CDH26: variants seen among roughly 807,000 people sequenced by gnomAD.
CDH26 encodes the protein cadherin-like protein 26.
In CDH26, 83 loss-of-function variants were observed where a neutral mutation model predicts 90.3. That is an observed-to-expected ratio of 0.92 (90% CI 0.77 to 1.10). CDH26 has a LOEUF of 1.10. Among genes scored for constraint, CDH26 ranks in the 50% least tolerant of loss-of-function variants. CDH26 has a pLI of 0.00. For synonymous variants in CDH26, 397 were observed against 396.3 expected (o/e 1.00, Z -0.02); for missense variants, 1,013 against 1,037.6 (o/e 0.98, Z 0.33).
chr20:59,986,256 A>T (rs1017961564), intron 7 of CDH26: 1 of 152,170 alleles, frequency 6.6e-6, no homozygotes, highest in Admixed American at 6.5e-5. Context: ...ATTTAAAAAC[A>T]TTGTATGTCA....
rs748140357 is a variant in CDH26, at chr20:59,996,020, G to A, written c.1854G>A (p.Leu618=). ...AAGTGGGGCTTCATGTGGGGGCCCT[G>A]TTCCCTGTCTGTGCAGCATTTGTGG... The part of the protein sequence containing the change: ...DAEVGLHVGA[L]FPVCAAFVAL... The change falls in exon 12 of 18, where the codon CTG becomes CTA. Residue 618 remains leucine, a synonymous_variant. Transcript: ENST00000348616. The A allele has an allele frequency of 2.3e-5, 37 of 1,613,874 alleles. 1 individual carries two copies. Among genetic ancestry groups the A allele is most frequent in the Non-Finnish European group, 3.0e-5 (35 of 1,180,036 alleles).
Position 60,014,049 on chromosome 20 carries a change from A to G in CDH26, c.*1319A>G, listed in dbSNP as rs539150758. On this transcript the variant is annotated 3_prime_UTR_variant, in exon 18 of 18. Coordinates refer to ENST00000348616, the MANE Select transcript of CDH26 (RefSeq NM_177980.4). ...TAAGAAAAATACATGTTTTTGGACA[A>G]CAAAACAAAGTAAACATTAGTTTAT... 4.6e-5 allele frequency: 7 copies of G among 152,340 alleles called. No individual in the cohort carries two copies. The highest frequency in any genetic ancestry group is 3.9e-4 in the East Asian group (2 of 5,192). 9.4% of individuals were successfully genotyped at this position (152,340 alleles called of 1,614,324 possible).
chr20:59,999,488 A>C, intron 13 of CDH26, 98 bp from the exon 14 acceptor site: 1 of 991,388 alleles, frequency 1.0e-6, no homozygotes. Flanking sequence ...GCATAGATAC[A>C]ATGTGTTTTG....
At position 59,994,361 on chromosome 20, in the gene CDH26, C is replaced by G. The variant is rs1569045746; in HGVS notation, c.1538C>G (p.Ala513Gly). The G allele has an allele frequency of 6.2e-7, 1 of 1,614,086 alleles. No homozygotes were observed. Among genetic ancestry groups the G allele is most frequent in the Non-Finnish European group, 8.5e-7 (1 of 1,180,022 alleles). The part of the protein sequence containing the change: ...RSRYMEVCES[A>G]VHEPLHIEAE... ...CGCTACATGGAGGTCTGTGAGTCTG[C>G]TGTGCATGAGCCCCTCCACATCGAG... is the stretch of plus-strand genomic sequence containing the variant. The change falls in exon 11 of 18, where the codon GCT becomes GGT. Residue 513 changes from alanine to glycine, a missense_variant. Ala to Gly is a moderately conservative substitution (Grantham distance 60, BLOSUM62 0). Coordinates refer to ENST00000348616, the MANE Select transcript of CDH26 (RefSeq NM_177980.4).
chr20:59,983,206 T>C (rs553814712), intron 5 of CDH26, 136 bp downstream of exon 5: 4 of 1,036,526 alleles, frequency 3.9e-6, no homozygotes, highest in South Asian at 3.7e-5. Flanking sequence ...TCGCAGGCCT[T>C]GGATCTGAGC....
intron 13 of CDH26, among the ~76,000 whole-genome samples, chr20:59,998,827 A>C (rs567129066): frequency 1.6e-4 from 25 of 152,336 alleles, no homozygotes; most frequent in African/African-American, 5.5e-4. Flanking sequence ...ACTAAGAGTC[A>C]TGCAATAAAG....
At chr20:59,960,494 T>G (rs773198483) in intron 1 of CDH26, among the ~76,000 whole-genome samples, 19 of 152,024 alleles carry the variant, frequency 1.2e-4, no homozygotes, top group Non-Finnish European at 2.5e-4. Flanking sequence ...GCTTGATAAC[T>G]AAAACTATCA....
Position 59,972,143 on chromosome 20 carries a change from T to G in CDH26, c.393+20T>G. ...TTCACGGTATCTAAAACTTGATATATTCTAAGCTCGGATTTAAAAGCTCTT... is the reference window on the plus strand; with the variant it reads ...TTCACGGTATCTAAAACTTGATATAGTCTAAGCTCGGATTTAAAAGCTCTT... On this transcript the variant is annotated intron_variant, in intron 4 of 17. Transcript: ENST00000348616. 1 of 1,607,512 alleles carries G rather than the reference T, an allele frequency of 6.2e-7. No individual in the cohort carries two copies. The highest frequency in any genetic ancestry group is 1.1e-5 in the South Asian group (1 of 90,486).
intron 17 of CDH26, among the ~76,000 whole-genome samples, chr20:60,011,505 G>A (rs2061841429): frequency 6.6e-6 from 1 of 152,198 alleles, no homozygotes. Flanking sequence ...ATCATCTAAT[G>A]ATGCAGGGGT....
chr20:59,985,140 T>C lies in CDH26; in HGVS notation c.837+11T>C, dbSNP rs2061439525. The C allele has an allele frequency of 1.9e-6, 3 of 1,608,022 alleles. No individual in the cohort carries two copies. Among genetic ancestry groups the C allele is most frequent in the South Asian group, 2.2e-5 (2 of 90,300 alleles). On this transcript the variant is annotated intron_variant, in intron 7 of 17. Coordinates refer to ENST00000348616, the MANE Select transcript of CDH26 (RefSeq NM_177980.4). ...TTTACCCAGGAGAACGTGAGGCTCC[T>C]GGGCCGCCCCAACGTCTAAGCCCCA...
intron 16 of CDH26, among the ~76,000 whole-genome samples, chr20:60,006,199 G>A (rs974885304): frequency 8.5e-5 from 13 of 152,150 alleles, no homozygotes; most frequent in African/African-American, 3.1e-4. Flanking sequence ...TGGGATTTGT[G>A]AGCCCCCAGA....
At chr20:59,980,805 C>T (rs2061386392) in intron 4 of CDH26, among the ~76,000 whole-genome samples, 1 of 152,098 alleles carries the variant, frequency 6.6e-6, no homozygotes, top group South Asian at 2.1e-4. Flanking sequence ...TCTTCTGGAT[C>T]ATGTTTTTGG....
chr20:60,011,632 C>T (rs562463740), intron 17 of CDH26, among the ~76,000 whole-genome samples: 15 of 152,298 alleles, frequency 9.8e-5, no homozygotes, highest in African/African-American at 3.4e-4. Flanking sequence ...CACAAATAAA[C>T]GGTCTTGGCC....
downstream of CDH26, among the ~76,000 whole-genome samples, chr20:60,035,768 G>A (rs2062077714): frequency 6.6e-6 from 1 of 152,006 alleles, no homozygotes; most frequent in East Asian, 1.9e-4. Flanking sequence ...ACGAGACCTG[G>A]TGGTTTTATT....
intron 1 of CDH26, among the ~76,000 whole-genome samples, chr20:59,963,938 C>T (rs1187035949): frequency 6.6e-6 from 1 of 152,034 alleles, no homozygotes; most frequent in Non-Finnish European, 1.5e-5. Context: ...TCAAGCCTGC[C>T]ACAGACCCAA....
At chr20:59,984,869 A>G in intron 6 of CDH26, 64 bp downstream of exon 6, 2 of 1,567,854 alleles carry the variant, frequency 1.3e-6, no homozygotes, top group African/African-American at 2.7e-5. Flanking sequence ...CCCCAGGCTT[A>G]GATTCTACAT....
Position 59,969,150 on chromosome 20 carries a change from C to A in CDH26, c.126+127C>A, listed in dbSNP as rs920192696. 1.5e-5 allele frequency: 9 copies of A among 604,034 alleles called. No individual in the cohort carries two copies. The South Asian group carries it at 1.9e-4, about 13-fold the overall frequency. The allele number at this position is 604,034 out of a possible 1,614,324, so 37.4% of individuals were successfully genotyped here. ...TGGTTTGCAGAAAATAAAATAGTAA[C>A]TTCATGTGGCCTTTTAGAATCTTGA... is the stretch of plus-strand genomic sequence containing the variant. On this transcript the variant is annotated intron_variant, in intron 2 of 17. Transcript: ENST00000348616.
intron 4 of CDH26, among the ~76,000 whole-genome samples, chr20:59,974,962 G>C (rs975886290): frequency 6.6e-6 from 1 of 152,058 alleles, no homozygotes; most frequent in Admixed American, 6.5e-5. Flanking sequence ...CCTTATTGTT[G>C]ACTTTGGGGA....
intron 4 of CDH26, among the ~76,000 whole-genome samples, chr20:59,976,219 A>G (rs1601113499): frequency 6.6e-6 from 1 of 152,208 alleles, no homozygotes; most frequent in Non-Finnish European, 1.5e-5. Context: ...TCAAACAGCC[A>G]TGTGATGTAT....
Sources: allele counts gnomAD v4.1 joint callset (sites outside exome capture counted in the v4.1 genomes callset), GRCh38; gene constraint gnomAD v4.1.1; transcripts MANE v1.5; gene names NCBI Gene and HGNC (gene_info 2026-07-23, HGNC 2026-07-21).